The following DPH5 variants were observed in gnomAD, a reference collection of about 807,000 sequenced individuals.
DPH5 encodes the protein diphthamide biosynthesis 5, also known as diphthine methyl ester synthase.
DPH5 carries 31 observed loss-of-function variants against 31.6 expected under a neutral mutation model. The ratio of observed to expected loss-of-function variants is 0.98; its 90% CI spans 0.74 to 1.32. The LOEUF is 1.32. Ranked by LOEUF, DPH5 falls within the 40% of genes most tolerant of loss-of-function variation. The pLI, the probability that DPH5 is intolerant of heterozygous loss-of-function variation, is 0.00. For missense variants in DPH5, 309 were observed against 335.7 expected (o/e 0.92, Z 0.62); for synonymous variants, 120 against 115.0 (o/e 1.04, Z -0.28).
intron 6 of DPH5, among the ~76,000 whole-genome samples, chr1:100,994,224 T>C (rs774880550): frequency 1.3e-5 from 2 of 151,856 alleles, no homozygotes; most frequent in Admixed American, 1.3e-4. Flanking sequence ...TATTTAACTT[T>C]CATAAAATTT....
At chr1:101,003,602 G>T (rs1461471890) in intron 4 of DPH5, among the ~76,000 whole-genome samples, 1 of 152,130 alleles carries the variant, frequency 6.6e-6, no homozygotes, top group Non-Finnish European at 1.5e-5. Flanking sequence ...GGTTTTTAAG[G>T]GTTAAATGAC....
At chr1:101,025,119 C>T in intron 2 of DPH5, 190 bp downstream of exon 2, 1 of 652,522 alleles carries the variant, frequency 1.5e-6, no homozygotes, top group Non-Finnish European at 2.5e-6. Context: ...GACAAAGCAC[C>T]CTTTCATTTT....
chr1:101,009,063 T>C (rs1197270139), intron 4 of DPH5, among the ~76,000 whole-genome samples: 1 of 152,216 alleles, frequency 6.6e-6, no homozygotes, highest in Non-Finnish European at 1.5e-5. Flanking sequence ...TGATCTTCTA[T>C]GTCTGGCTTC....
chr1:101,022,189 A>T (rs528434400), intron 2 of DPH5, among the ~76,000 whole-genome samples: 1 of 152,342 alleles, frequency 6.6e-6, no homozygotes, highest in Non-Finnish European at 1.5e-5. Context: ...GCTTTTATTA[A>T]ATTTTCAATG....
intron 6 of DPH5, among the ~76,000 whole-genome samples, chr1:100,993,060 G>A (rs148791666): frequency 1.3e-3 from 200 of 152,258 alleles, no homozygotes; most frequent in African/African-American, 4.5e-3. Flanking sequence ...TGGCAATTTG[G>A]TCTATACTCT....
At chr1:100,990,772 C>T in intron 7 of DPH5, 141 bp from the exon 8 acceptor site, 1 of 739,142 alleles carries the variant, frequency 1.4e-6, no homozygotes, top group Non-Finnish European at 2.2e-6. Flanking sequence ...GACCAGTTAT[C>T]CATTAATTCA....
intron 4 of DPH5, among the ~76,000 whole-genome samples, chr1:101,012,749 G>A (rs1659793617): frequency 4.6e-5 from 7 of 152,144 alleles, no homozygotes; most frequent in Admixed American, 2.0e-4. Context: ...GTCAGGTCAG[G>A]TCAATCATTT....
intron 5 of DPH5, among the ~76,000 whole-genome samples, chr1:101,000,574 T>C (rs1658785695): frequency 6.6e-6 from 1 of 152,148 alleles, no homozygotes; most frequent in Admixed American, 6.5e-5. Flanking sequence ...GGCTAAGGAA[T>C]GTTTACAGTA....
chr1:101,024,731 G>T (rs767254399), intron 2 of DPH5, among the ~76,000 whole-genome samples: 134 of 152,204 alleles, frequency 8.8e-4, no homozygotes, highest in Middle Eastern at 3.4e-3. Flanking sequence ...AAATACTTTG[G>T]TTACTTAGTG....
At chr1:101,015,630 A>G (rs1660021946) in intron 3 of DPH5, among the ~76,000 whole-genome samples, 1 of 152,150 alleles carries the variant, frequency 6.6e-6, no homozygotes, top group South Asian at 2.1e-4. Flanking sequence ...CAGTCCTTTT[A>G]AGTCCGGCAT....
intron 3 of DPH5, among the ~76,000 whole-genome samples, chr1:101,014,030 A>C (rs989498870): frequency 6.6e-6 from 1 of 152,116 alleles, no homozygotes; most frequent in Admixed American, 6.5e-5. Context: ...CTACTGTAAC[A>C]CTCCTAAAGC....
At chr1:101,009,458 C>T (rs1296763586) in intron 4 of DPH5, among the ~76,000 whole-genome samples, 1 of 152,144 alleles carries the variant, frequency 6.6e-6, no homozygotes, top group Admixed American at 6.5e-5. Context: ...AATTCCTTTC[C>T]TAGGACTATC....
chr1:101,023,530 A>C (rs901501749), intron 2 of DPH5, among the ~76,000 whole-genome samples: 1 of 152,254 alleles, frequency 6.6e-6, no homozygotes, highest in African/African-American at 2.4e-5. Context: ...TGACTCTGTA[A>C]GTAGTAACTC....
In DPH5 at chr1:101,010,712, T is replaced by C. The variant is rs560681462; in HGVS notation, c.369+2998A>G. On this transcript the variant is annotated intron_variant, in intron 4 of 7. Coordinates refer to ENST00000370109, the MANE Select transcript of DPH5 (RefSeq NM_015958.3). ...GAATGCCTTTTCACAGTGGTTCTTA[T>C]CTCCCTTTTAAAAAATTGAGCAAGA... Among the ~76,000 whole-genome samples, 3 of 152,260 alleles carry C rather than the reference T, an allele frequency of 2.0e-5. No homozygotes were observed. In the South Asian group the frequency reaches 6.2e-4, roughly 32 times the overall value.
intron 5 of DPH5, chr1:100,995,380 C>G (rs546458142): frequency 3.0e-5 from 12 of 399,452 alleles, no homozygotes; most frequent in Middle Eastern, 7.2e-4. Flanking sequence ...CATCTAATTT[C>G]CTTTTGGAAA....
Position 100,992,627 on chromosome 1 carries a change from T to G in DPH5, c.634+10A>C. The G allele has an allele frequency of 1.9e-6, 3 of 1,605,826 alleles. No individual in the cohort carries two copies. Among genetic ancestry groups the G allele is most frequent in the Non-Finnish European group, 1.7e-6 (2 of 1,172,590 alleles). The stretch of plus-strand genomic sequence containing the variant: ...GAATAATATGAGAGCCCTTCTAGTG[T>G]CTTGAGTACCTGGTTCTTCTCCTCG... On this transcript the variant is annotated intron_variant, in intron 7 of 7. Coordinates refer to ENST00000370109, the MANE Select transcript of DPH5 (RefSeq NM_015958.3).
intron 4 of DPH5, among the ~76,000 whole-genome samples, chr1:101,008,612 G>A (rs112879245): frequency 3.9e-5 from 6 of 152,264 alleles, no homozygotes; most frequent in African/African-American, 1.2e-4. Flanking sequence ...TGACTCCCTA[G>A]ACAGCCAAGG....
chr1:101,010,566 T>C (rs756333559), intron 4 of DPH5, among the ~76,000 whole-genome samples: 1 of 152,220 alleles, frequency 6.6e-6, no homozygotes, highest in Non-Finnish European at 1.5e-5. Context: ...GATAAATTGA[T>C]AGCTGAAAAG....
Position 101,025,736 on chromosome 1 carries a change from C to T in DPH5, c.-77G>A, listed in dbSNP as rs547648241. 4.9e-4 allele frequency: 169 copies of T among 344,406 alleles called. No individual in the cohort carries two copies. Among genetic ancestry groups the T allele is most frequent in the African/African-American group, 3.3e-3 (155 of 47,094 alleles). The allele number at this position is 344,406 out of a possible 1,614,324, so 21.3% of individuals were successfully genotyped here. A position where few individuals can be genotyped will look rare whatever the true frequency, so the allele number is the denominator to read the frequency against. On this transcript the variant is annotated 5_prime_UTR_variant, in exon 1 of 8. In the 5' UTR this introduces an upstream ATG that the reference lacks. Coordinates refer to ENST00000370109, the MANE Select transcript of DPH5 (RefSeq NM_015958.3). ...GGCCTTTACAAATTCTTAACTACCA[C>T]CTTTCCGCAGAAGCAACTGCAAAAG...
Sources: allele counts gnomAD v4.1 joint callset (sites outside exome capture counted in the v4.1 genomes callset), GRCh38; gene constraint gnomAD v4.1.1; transcripts MANE v1.5; gene names NCBI Gene and HGNC (gene_info 2026-07-23, HGNC 2026-07-21).